The following ATR variants were observed in gnomAD, a reference collection of about 807,000 sequenced individuals.
The protein encoded by ATR is serine/threonine-protein kinase ATR.
ATR carries 142 observed loss-of-function variants against 305.3 expected under a neutral mutation model. That is an observed-to-expected ratio of 0.47 (90% CI 0.41 to 0.53). The LOEUF is 0.53. Among genes scored for constraint, ATR ranks in the 20% least tolerant of loss-of-function variants. The pLI is 0.00. For synonymous variants in ATR, 1,050 were observed against 1,068.1 expected (o/e 0.98, Z 0.33); for missense variants, 2,135 against 3,133.1 (o/e 0.68, Z 7.60).
chr3:142,530,426 A>C (rs1261710041), intron 21 of ATR, among the ~76,000 whole-genome samples: 2 of 152,122 alleles, frequency 1.3e-5, no homozygotes, highest in Admixed American at 1.3e-4. Context: ...CAATTCACAG[A>C]CTTTATTTTC....
intron 31 of ATR, among the ~76,000 whole-genome samples, chr3:142,499,382 A>G (rs2031826366): frequency 6.6e-6 from 1 of 151,050 alleles, no homozygotes; most frequent in Admixed American, 6.6e-5. Flanking sequence ...GCAACCTCCA[A>G]CTCCCAGGTT....
At chr3:142,492,697 T>C (rs568778759) in intron 35 of ATR, among the ~76,000 whole-genome samples, 18 of 152,352 alleles carry the variant, frequency 1.2e-4, no homozygotes, top group African/African-American at 2.9e-4. Context: ...GGATATGATA[T>C]GCCATTTTTA....
At chr3:142,559,509 T>C in intron 6 of ATR, 68 bp from the exon 7 acceptor site, 1 of 1,497,122 alleles carries the variant, frequency 6.7e-7, no homozygotes, top group Non-Finnish European at 9.2e-7. Context: ...AAACATAAAA[T>C]TGTAGTAAAG....
Position 142,499,737 on chromosome 3 carries a change from A to C in ATR, c.5289-19T>G. 6.2e-7 allele frequency: 1 copy of C among 1,604,096 alleles called. No homozygotes were observed. The highest frequency in any genetic ancestry group is 2.2e-5 in the East Asian group (1 of 44,796). On this transcript the variant is annotated intron_variant, in intron 30 of 46. Coordinates refer to ENST00000350721, the MANE Select transcript of ATR (RefSeq NM_001184.4). ...CTCGGACCTATTAAAAGAAACCCATATCAACTAAACTTTAATTTATTTAAG... is the reference window on the plus strand; with the variant it reads ...CTCGGACCTATTAAAAGAAACCCATCTCAACTAAACTTTAATTTATTTAAG...
In ATR at chr3:142,510,098, A is replaced by G. The variant is rs545940471; in HGVS notation, c.4853-1989T>C. Among the ~76,000 whole-genome samples the G allele has an allele frequency of 4.5e-5, 6 of 133,444 alleles. No homozygotes were observed. The South Asian group carries it at 1.6e-3, about 35-fold the overall frequency. The allele number at this position is 133,444 out of a possible 152,430, so 87.5% of individuals were successfully genotyped here. ...GCCACTGCACTCCAGCTTGGGCTATAGAGTGAGACTGTCTCAGAAAAAAAA... is the reference window on the plus strand; with the variant it reads ...GCCACTGCACTCCAGCTTGGGCTATGGAGTGAGACTGTCTCAGAAAAAAAA... On this transcript the variant is annotated intron_variant, in intron 27 of 46. Transcript: ENST00000350721.
At chr3:142,562,192 C>T in intron 4 of ATR, 40 bp downstream of exon 4, 1 of 1,606,732 alleles carries the variant, frequency 6.2e-7, no homozygotes, top group Non-Finnish European at 8.5e-7. Flanking sequence ...AAATGATGAA[C>T]AAAATACATA....
chr3:142,457,961 G>A (rs1252802495), intron 44 of ATR, among the ~76,000 whole-genome samples: 1 of 152,126 alleles, frequency 6.6e-6, no homozygotes, highest in African/African-American at 2.4e-5. Context: ...CTTGATCTTG[G>A]ATAAGATCTA....
In ATR at chr3:142,544,452, CAAAAAAAA is replaced by C. The variant is rs57120276; in HGVS notation, c.3358-1703_3358-1696del. ...GGGTGACAGAGCAAAATCCTGCCTC[CAAAAAAAA>C]AAAAAAAAAAAAAAAAAAAAGATAC... On this transcript the variant is annotated intron_variant, in intron 16 of 46. Transcript: ENST00000350721. 2.8e-3 allele frequency among the ~76,000 whole-genome samples: 54 copies of C among 18,972 alleles called. 1 individual carries two copies. Among genetic ancestry groups the C allele is most frequent in the Non-Finnish European group, 2.7e-3 (26 of 9,722 alleles). The allele number at this position is 18,972 out of a possible 152,430, so 12.4% of individuals were successfully genotyped here. A position where few individuals can be genotyped will look rare whatever the true frequency, so the allele number is the denominator to read the frequency against.
rs1559937374 is a variant in ATR at position 142,496,281 on chromosome 3, TATATATATATATATATATATATATATATA to T, written c.5898+51_5898+79del. Reference sequence around the variant, plus strand: ...TAAGGAAGTACATAATTCCCGACTATATATATATATATATATATATATATATATATATATATATATATATATATATATAT... The same window carrying T: ...TAAGGAAGTACATAATTCCCGACTATTATATATATATATATATATATATAT... On this transcript the variant is annotated intron_variant, in intron 34 of 46. Transcript: ENST00000350721. 0.066 allele frequency: 4,754 copies of T among 72,552 alleles called. 1,361 individuals carry two copies. Among genetic ancestry groups the T allele is most frequent in the African/African-American group, 0.26 (4,416 of 17,216 alleles). The allele number at this position is 72,552 out of a possible 1,614,324, so 4.5% of individuals were successfully genotyped here. A position where few individuals can be genotyped will look rare whatever the true frequency, so the allele number is the denominator to read the frequency against.
chr3:142,472,229 T>C lies in ATR; in HGVS notation c.6222-2046A>G, dbSNP rs184271943. 25 of 152,268 alleles carry C rather than the reference T, an allele frequency of 1.6e-4. No homozygotes were observed. The East Asian group carries it at 4.6e-3, about 28-fold the overall frequency. The allele number at this position is 152,268 out of a possible 1,614,324, so 9.4% of individuals were successfully genotyped here. A position where few individuals can be genotyped will look rare whatever the true frequency, so the allele number is the denominator to read the frequency against. On this transcript the variant is annotated intron_variant, in intron 36 of 46. Transcript: ENST00000350721. Reference sequence around the variant, plus strand: ...TGTTGTGAAGATGCTGCAATGAACATGGGAGTGCAGATATCTCTTCAACAT... The same window carrying C: ...TGTTGTGAAGATGCTGCAATGAACACGGGAGTGCAGATATCTCTTCAACAT...
intron 42 of ATR, among the ~76,000 whole-genome samples, chr3:142,460,165 C>A (rs2070993373): frequency 6.6e-6 from 1 of 151,928 alleles, no homozygotes; most frequent in Non-Finnish European, 1.5e-5. Context: ...CTGGCACTGT[C>A]CATAAAATAG....
intron 36 of ATR, among the ~76,000 whole-genome samples, chr3:142,475,081 A>T (rs2071401643): frequency 6.6e-6 from 1 of 152,134 alleles, no homozygotes; most frequent in African/African-American, 2.4e-5. Context: ...CAACTTATAT[A>T]CATGTTATGT....
chr3:142,534,371 A>G lies in ATR; in HGVS notation c.3945+709T>C, dbSNP rs2033774571. On this transcript the variant is annotated intron_variant, in intron 21 of 46. Transcript: ENST00000350721. Reference sequence around the variant, plus strand: ...CTCACTGCCCCAGAAAAATGTGCTCATTACCATCACGTATATCTTTTGTCC... The same window carrying G: ...CTCACTGCCCCAGAAAAATGTGCTCGTTACCATCACGTATATCTTTTGTCC... 3.3e-5 allele frequency among the ~76,000 whole-genome samples: 5 copies of G among 152,216 alleles called. No homozygotes were observed. The South Asian group carries it at 1.0e-3, about 32-fold the overall frequency.
intron 1 of ATR, among the ~76,000 whole-genome samples, chr3:142,569,687 A>G (rs2035199396): frequency 6.6e-6 from 1 of 150,472 alleles, no homozygotes; most frequent in South Asian, 2.1e-4. Context: ...TTGCTCTGTC[A>G]CCAGGCTGGA....
intron 35 of ATR, among the ~76,000 whole-genome samples, chr3:142,490,858 T>C (rs2031237277): frequency 6.6e-6 from 1 of 152,184 alleles, no homozygotes; most frequent in Admixed American, 6.5e-5. Context: ...TTATAATCTT[T>C]TGAATTTTCT....
chr3:142,471,258 C>G (rs2071256996), intron 36 of ATR, among the ~76,000 whole-genome samples: 1 of 152,120 alleles, frequency 6.6e-6, no homozygotes, highest in South Asian at 2.1e-4. Context: ...CGAGGTTCAT[C>G]TATGTTGTAC....
At chr3:142,503,114 A>T (rs9856772) in intron 30 of ATR, among the ~76,000 whole-genome samples, 1 of 152,142 alleles carries the variant, frequency 6.6e-6, no homozygotes, top group Non-Finnish European at 1.5e-5. Flanking sequence ...ACCAATAGCC[A>T]GTGGGTTCTA....
chr3:142,469,265 A>T (rs1478296943), intron 38 of ATR, 72 bp downstream of exon 38: 1 of 1,226,560 alleles, frequency 8.2e-7, no homozygotes, highest in East Asian at 2.4e-5. Context: ...TCTACATATT[A>T]GTATTACATA....
chr3:142,536,130 G>T lies in ATR; in HGVS notation c.3797C>A (p.Ala1266Asp), dbSNP rs1260359422. The T allele has an allele frequency of 2.7e-5, 43 of 1,586,626 alleles. No individual in the cohort carries two copies. The highest frequency in any genetic ancestry group is 3.7e-5 in the Non-Finnish European group (43 of 1,155,598). The change falls in exon 20 of 47, where the codon GCC becomes GAC. Residue 1266 changes from alanine to aspartate, a missense_variant. Transcript: ENST00000350721. ...TACCTTTCTGTATTCCTGGAGAACG[G>T]CTTTTATCTTTTTTAATTCTGGATG... ...PDHPELKKIKAVLQEYRKETS... is the reference protein window; with the variant it reads ...PDHPELKKIKDVLQEYRKETS...
Sources: gnomAD v4.1 joint callset for allele counts (sites outside exome capture counted in the v4.1 genomes callset) on GRCh38, gnomAD v4.1.1 for gene constraint, MANE v1.5 for transcripts, NCBI Gene and HGNC (gene_info 2026-07-23, HGNC 2026-07-21) for gene names.